SYT1: variants seen among roughly 807,000 people sequenced by gnomAD.
The protein encoded by SYT1 is synaptotagmin-1.
A neutral mutation model predicts 44.8 loss-of-function variants in SYT1; 8 were observed. The ratio of observed to expected loss-of-function variants is 0.18; its 90% CI spans 0.10 to 0.32. The LOEUF (loss-of-function observed/expected upper bound fraction) is 0.32. Ranked by LOEUF, SYT1 falls within the 10% of genes least tolerant of loss-of-function variation. The pLI is 1.00. For missense variants in SYT1, 286 were observed against 509.3 expected (o/e 0.56, Z 4.22); for synonymous variants, 154 against 188.8 (o/e 0.82, Z 1.51).
At chr12:79,068,307 AT>A (rs1302362834) in intron 3 of SYT1, among the ~76,000 whole-genome samples, 1 of 152,146 alleles carries the variant, frequency 6.6e-6, no homozygotes, top group Non-Finnish European at 1.5e-5. Context: ...AAAATAATTA[AT>A]TAGGTCATAA....
intron 2 of SYT1, among the ~76,000 whole-genome samples, chr12:79,005,308 A>G (rs907306463): frequency 8.6e-5 from 13 of 151,974 alleles, no homozygotes; most frequent in African/African-American, 3.1e-4. Context: ...CAATTATATA[A>G]ATATTTATTA....
intron 3 of SYT1, among the ~76,000 whole-genome samples, chr12:79,099,202 G>A (rs532032838): frequency 1.4e-4 from 21 of 152,032 alleles, no homozygotes; most frequent in Non-Finnish European, 3.1e-4. Context: ...TGAGAAAACT[G>A]TTAATTCCCC....
chr12:79,125,630 A>G (rs1012262133), intron 3 of SYT1, among the ~76,000 whole-genome samples: 102 of 119,426 alleles, frequency 8.5e-4, no homozygotes, highest in African/African-American at 2.9e-3. Flanking sequence ...AAAAAAAAAG[A>G]AAAAAAGAAA....
chr12:78,875,106 T>C (rs1873998588), intron 1 of SYT1, among the ~76,000 whole-genome samples: 1 of 151,706 alleles, frequency 6.6e-6, no homozygotes, highest in Non-Finnish European at 1.5e-5. Context: ...TCAAGGAGTT[T>C]ATAAAGTTTT....
At chr12:79,199,421 G>A (rs1280217762) in intron 3 of SYT1, among the ~76,000 whole-genome samples, 1 of 151,948 alleles carries the variant, frequency 6.6e-6, no homozygotes, top group East Asian at 1.9e-4. Context: ...TCTCTCCACT[G>A]TCAGCATTTT....
At position 78,905,724 on chromosome 12, in the gene SYT1, T is replaced by G. The variant is rs956701137; in HGVS notation, c.-217+40615T>G. 5.9e-5 allele frequency among the ~76,000 whole-genome samples: 9 copies of G among 152,110 alleles called. 1 individual carries two copies. Among genetic ancestry groups the G allele is most frequent in the Non-Finnish European group, 2.9e-5 (2 of 68,004 alleles). Reference sequence around the variant, plus strand: ...TACCTGAACATTGGACTATTATTCCTTTTAAGGGAAATGACCTAGGAAAAG... The same window carrying G: ...TACCTGAACATTGGACTATTATTCCGTTTAAGGGAAATGACCTAGGAAAAG... On this transcript the variant is annotated intron_variant, in intron 1 of 10. Coordinates refer to ENST00000261205, the MANE Select transcript of SYT1 (RefSeq NM_005639.3).
Position 79,263,098 on chromosome 12 carries a change from A to G in SYT1, c.167-22689A>G, listed in dbSNP as rs985341669. On this transcript the variant is annotated intron_variant, in intron 4 of 10. Coordinates refer to ENST00000261205, the MANE Select transcript of SYT1 (RefSeq NM_005639.3). The stretch of plus-strand genomic sequence containing the variant: ...CTAATTTTCATTCCATTTGTCTCCA[A>G]TGCGTGATAGGACTTCAAAGAGTCA... Among the ~76,000 whole-genome samples the G allele has an allele frequency of 7.2e-5, 11 of 152,252 alleles. No homozygotes were observed. In the East Asian group the frequency reaches 1.5e-3, roughly 21 times the overall value.
chr12:79,045,363 G>A (rs907407801), intron 2 of SYT1, among the ~76,000 whole-genome samples: 5 of 152,298 alleles, frequency 3.3e-5, no homozygotes, highest in Admixed American at 2.0e-4. Context: ...CGCAGTATTC[G>A]GGAGGGAGTG....
chr12:79,102,478 C>T (rs1448133709), intron 3 of SYT1, among the ~76,000 whole-genome samples: 3 of 152,184 alleles, frequency 2.0e-5, no homozygotes, highest in East Asian at 3.9e-4. Flanking sequence ...TGCAGCCACT[C>T]TACGCTTTAG....
intron 3 of SYT1, among the ~76,000 whole-genome samples, chr12:79,208,069 T>C (rs1441883311): frequency 6.6e-6 from 1 of 152,232 alleles, no homozygotes; most frequent in African/African-American, 2.4e-5. Flanking sequence ...TGCATCTCTC[T>C]GCACGTATCC....
intron 4 of SYT1, among the ~76,000 whole-genome samples, chr12:79,273,209 T>C (rs1878528713): frequency 1.3e-5 from 2 of 151,486 alleles, no homozygotes; most frequent in South Asian, 4.2e-4. Flanking sequence ...CTCAAACTCC[T>C]GGGCTTAAGT....
At chr12:79,096,105 C>T (rs1286311772) in intron 3 of SYT1, among the ~76,000 whole-genome samples, 1 of 151,808 alleles carries the variant, frequency 6.6e-6, no homozygotes, top group Non-Finnish European at 1.5e-5. Context: ...GGCAATAGCC[C>T]ACAGAAAGAA....
At chr12:79,072,490 A>G (rs1356989495) in intron 3 of SYT1, among the ~76,000 whole-genome samples, 1 of 152,052 alleles carries the variant, frequency 6.6e-6, no homozygotes, top group Non-Finnish European at 1.5e-5. Flanking sequence ...AGTTATTTAA[A>G]TTTATATACA....
At chr12:79,226,614 G>T (rs1481122651) in intron 4 of SYT1, among the ~76,000 whole-genome samples, 1 of 151,966 alleles carries the variant, frequency 6.6e-6, no homozygotes, top group Non-Finnish European at 1.5e-5. Context: ...AAAAAGTAAG[G>T]TAACTAAAAC....
At chr12:79,040,185 G>C (rs1276997818) in intron 2 of SYT1, among the ~76,000 whole-genome samples, 1 of 151,778 alleles carries the variant, frequency 6.6e-6, no homozygotes, top group Non-Finnish European at 1.5e-5. Context: ...CCAGATCCCT[G>C]AGGAATCGCC....
chr12:79,416,184 C>A (rs1174580469), intron 9 of SYT1, among the ~76,000 whole-genome samples: 1 of 152,002 alleles, frequency 6.6e-6, no homozygotes, highest in African/African-American at 2.4e-5. Context: ...GACAGCAATG[C>A]AGATAGAAAG....
Position 79,145,736 on chromosome 12 carries a change from GGTTT to G in SYT1, c.-17-71766_-17-71763del, listed in dbSNP as rs1347003376. Among the ~76,000 whole-genome samples the G allele has an allele frequency of 2.7e-3, 401 of 145,828 alleles. 6 individuals are homozygous for G. The highest frequency in any genetic ancestry group is 0.011 in the African/African-American group (391 of 36,546). On this transcript the variant is annotated intron_variant, in intron 3 of 10. Transcript: ENST00000261205. ...CCAGAACCCAAGATTTAAACATAGTGGTTTTTTTTTTTTTTTGTTTGTTTGTTTG... is the reference window on the plus strand; with the variant it reads ...CCAGAACCCAAGATTTAAACATAGTGTTTTTTTTTTTTGTTTGTTTGTTTG...
intron 1 of SYT1, among the ~76,000 whole-genome samples, chr12:78,942,067 T>C (rs888585193): frequency 6.6e-6 from 1 of 152,222 alleles, no homozygotes; most frequent in African/African-American, 2.4e-5. Flanking sequence ...AACCCTTCAA[T>C]ATGCCAACCT....
At position 78,934,920 on chromosome 12, in the gene SYT1, A is replaced by G. The variant is rs187924107; in HGVS notation, c.-216-42879A>G. Among the ~76,000 whole-genome samples the G allele has an allele frequency of 1.9e-3, 284 of 152,262 alleles. 1 individual carries two copies. Among genetic ancestry groups the G allele is most frequent in the African/African-American group, 6.5e-3 (269 of 41,556 alleles). On this transcript the variant is annotated intron_variant, in intron 1 of 10. Coordinates refer to ENST00000261205, the MANE Select transcript of SYT1 (RefSeq NM_005639.3). Reference sequence around the variant, plus strand: ...ATCGTGCTTTCTGCCCTTAGAGAAAAGGTATTACATGTTGGTAACTGAGGT... The same window carrying G: ...ATCGTGCTTTCTGCCCTTAGAGAAAGGGTATTACATGTTGGTAACTGAGGT...
Sources: allele counts gnomAD v4.1 joint callset (sites outside exome capture counted in the v4.1 genomes callset), GRCh38; gene constraint gnomAD v4.1.1; transcripts MANE v1.5; gene names NCBI Gene and HGNC (gene_info 2026-07-23, HGNC 2026-07-21).